PTPRM: variants seen among roughly 807,000 people sequenced by gnomAD.
The protein encoded by PTPRM is protein tyrosine phosphatase receptor type M.
A neutral mutation model predicts 186.7 loss-of-function variants in PTPRM; 47 were observed. That is an observed-to-expected ratio of 0.25 (90% CI 0.20 to 0.32). The LOEUF (loss-of-function observed/expected upper bound fraction) is 0.32, where lower values mean the gene tolerates loss of function less well. Among genes scored for constraint, PTPRM ranks in the 10% least tolerant of loss-of-function variants. PTPRM has a pLI of 1.00. For missense variants in PTPRM, 1,494 were observed against 1,865.0 expected (o/e 0.80, Z 3.66); for synonymous variants, 668 against 674.9 (o/e 0.99, Z 0.16).
At chr18:8,364,150 A>G (rs2095613545) in intron 23 of PTPRM, among the ~76,000 whole-genome samples, 1 of 152,248 alleles carries the variant, frequency 6.6e-6, no homozygotes, top group African/African-American at 2.4e-5. Flanking sequence ...CCCCTTCCAA[A>G]TAAAGCCAGT....
At chr18:8,070,303 T>G (rs2089385739) in intron 8 of PTPRM, among the ~76,000 whole-genome samples, 1 of 151,384 alleles carries the variant, frequency 6.6e-6, no homozygotes, top group African/African-American at 2.4e-5. Flanking sequence ...ATTAGATTAT[T>G]TATATAAAAT....
chr18:7,761,008 A>T (rs1281030597), intron 1 of PTPRM, among the ~76,000 whole-genome samples: 4 of 152,212 alleles, frequency 2.6e-5, no homozygotes, highest in Admixed American at 6.5e-5. Context: ...AAAATAATAC[A>T]TGCTAAAAAG....
intron 13 of PTPRM, among the ~76,000 whole-genome samples, chr18:8,119,610 T>G (rs965691023): frequency 6.6e-6 from 1 of 152,180 alleles, no homozygotes; most frequent in Non-Finnish European, 1.5e-5. Context: ...ATGTACATCA[T>G]GAGTATATTA....
chr18:7,973,300 G>A (rs1048001096), intron 7 of PTPRM, among the ~76,000 whole-genome samples: 1 of 152,108 alleles, frequency 6.6e-6, no homozygotes, highest in African/African-American at 2.4e-5. Context: ...GACTTTAGTA[G>A]GTGCTGTCAG....
intron 1 of PTPRM, among the ~76,000 whole-genome samples, chr18:7,732,334 A>T (rs1172778482): frequency 1.3e-5 from 2 of 152,028 alleles, no homozygotes; most frequent in African/African-American, 4.8e-5. Flanking sequence ...TGATACTTCT[A>T]CTTCCATTTC....
At chr18:8,191,628 C>G (rs1433814591) in intron 14 of PTPRM, among the ~76,000 whole-genome samples, 1 of 152,106 alleles carries the variant, frequency 6.6e-6, no homozygotes, top group African/African-American at 2.4e-5. Flanking sequence ...GCACACACAT[C>G]CCCCCAACAC....
chr18:7,648,239 T>C (rs1363441663), intron 1 of PTPRM, among the ~76,000 whole-genome samples: 1 of 152,168 alleles, frequency 6.6e-6, no homozygotes, highest in Non-Finnish European at 1.5e-5. Flanking sequence ...AATTGATAAA[T>C]GTGTGCTTTT....
intron 1 of PTPRM, among the ~76,000 whole-genome samples, chr18:7,734,811 A>G (rs568299272): frequency 6.6e-6 from 1 of 152,316 alleles, no homozygotes; most frequent in South Asian, 2.1e-4. Flanking sequence ...TTTCAAATTC[A>G]TTAGGACAAA....
At chr18:8,191,840 C>T (rs2093714023) in intron 14 of PTPRM, among the ~76,000 whole-genome samples, 1 of 152,024 alleles carries the variant, frequency 6.6e-6, no homozygotes, top group Non-Finnish European at 1.5e-5. Flanking sequence ...AACAAGCTCA[C>T]CCTGAGATTG....
intron 23 of PTPRM, among the ~76,000 whole-genome samples, chr18:8,363,443 C>G (rs1009696436): frequency 6.6e-6 from 1 of 152,152 alleles, no homozygotes; most frequent in Admixed American, 6.5e-5. Flanking sequence ...GATTTCTTTT[C>G]TCAACAGATA....
intron 29 of PTPRM, among the ~76,000 whole-genome samples, chr18:8,380,944 C>T (rs771532387): frequency 1.4e-4 from 22 of 151,998 alleles, no homozygotes; most frequent in African/African-American, 3.6e-4. Context: ...GTGACAGTGT[C>T]GGGGTGACAG....
chr18:7,796,123 A>T lies in PTPRM; in HGVS notation c.196+21852A>T, dbSNP rs118101808. Among the ~76,000 whole-genome samples the T allele has an allele frequency of 2.1e-3, 322 of 151,564 alleles. 1 individual carries two copies. The highest frequency in any genetic ancestry group is 3.1e-3 in the Non-Finnish European group (212 of 67,952). On this transcript the variant is annotated intron_variant, in intron 2 of 32. Transcript: ENST00000580170. ...ACAGGATTTGTTTTTTTGAATTTGG[A>T]CTCAAACACCACACAGCAATAACAA...
chr18:7,763,320 C>T (rs369093077), intron 1 of PTPRM, among the ~76,000 whole-genome samples: 5 of 152,172 alleles, frequency 3.3e-5, no homozygotes, highest in East Asian at 3.9e-4. Flanking sequence ...GGTGGAGGAG[C>T]ACCAGTTCAT....
At chr18:8,151,692 GAAAA>G (rs1242594668) in intron 14 of PTPRM, among the ~76,000 whole-genome samples, 2 of 105,262 alleles carry the variant, frequency 1.9e-5, no homozygotes, top group Non-Finnish European at 3.9e-5. Context: ...CTGGGGTATG[GAAAA>G]AAAAAAAAAA....
chr18:7,881,007 G>A (rs1029011986), intron 2 of PTPRM, among the ~76,000 whole-genome samples: 2 of 152,136 alleles, frequency 1.3e-5, no homozygotes, highest in South Asian at 4.1e-4. Context: ...AATAGAAAAT[G>A]TACATGCAGT....
chr18:8,308,356 G>A (rs571076245), intron 20 of PTPRM, among the ~76,000 whole-genome samples: 1 of 152,190 alleles, frequency 6.6e-6, no homozygotes, highest in African/African-American at 2.4e-5. Flanking sequence ...AACCCTTCCT[G>A]TTTTATGTAT....
chr18:7,698,495 C>A (rs1172337969), intron 1 of PTPRM, among the ~76,000 whole-genome samples: 1 of 152,122 alleles, frequency 6.6e-6, no homozygotes, highest in Non-Finnish European at 1.5e-5. Context: ...ATAAAATTTT[C>A]TTGGATGATG....
chr18:8,192,631 G>A (rs879538509), intron 14 of PTPRM, among the ~76,000 whole-genome samples: 58 of 152,202 alleles, frequency 3.8e-4, no homozygotes, highest in Non-Finnish European at 6.6e-4. Context: ...AAAATAAATA[G>A]AAAGGATGGG....
intron 19 of PTPRM, among the ~76,000 whole-genome samples, chr18:8,295,774 T>A (rs2095090737): frequency 6.6e-6 from 1 of 151,842 alleles, no homozygotes; most frequent in African/African-American, 2.4e-5. Flanking sequence ...CAAAAAAAAA[T>A]TGAATAACCT....
Sources: gnomAD v4.1 joint callset for allele counts (sites outside exome capture counted in the v4.1 genomes callset) on GRCh38, gnomAD v4.1.1 for gene constraint, MANE v1.5 for transcripts, NCBI Gene and HGNC (gene_info 2026-07-23, HGNC 2026-07-21) for gene names.